Variants in DPYSL5 observed in about 807,000 individuals in gnomAD.
DPYSL5 encodes dihydropyrimidinase-related protein 5.
DPYSL5 carries 9 observed loss-of-function variants against 58.4 expected under a neutral mutation model. The ratio of observed to expected loss-of-function variants is 0.15; its 90% CI spans 0.09 to 0.27. DPYSL5 has a LOEUF of 0.27. DPYSL5 is among the 10% of genes least tolerant of loss of function. The probability of loss-of-function intolerance (pLI) is 1.00; values close to 1 mark genes in which losing one functional copy is unlikely to be tolerated. For synonymous variants in DPYSL5, 293 were observed against 301.9 expected (o/e 0.97, Z 0.31); for missense variants, 499 against 770.6 (o/e 0.65, Z 4.17).
In DPYSL5 at chr2:26,849,703, C is replaced by T. The variant is rs998786444; in HGVS notation, c.-5+1449C>T. On this transcript the variant is annotated intron_variant, in intron 1 of 12. Transcript: ENST00000288699. This position sits in a 1 kb window ranked among gnomAD's most constrained non-coding sequence, Gnocchi z 6.2. ...ACCCTGGTGTCCATCCGACGACAAA[C>T]CAGGGCCACCCAGGACGCGAGGGTG... Among the ~76,000 whole-genome samples the T allele has an allele frequency of 6.6e-6, 1 of 152,248 alleles. No individual in the cohort carries two copies. Among genetic ancestry groups the T allele is most frequent in the African/African-American group, 2.4e-5 (1 of 41,476 alleles).
At chr2:26,936,472 C>T (rs559916121) in intron 8 of DPYSL5, among the ~76,000 whole-genome samples, 64 of 152,192 alleles carry the variant, frequency 4.2e-4, no homozygotes, top group African/African-American at 1.4e-3. Context: ...GGGGCGTGGG[C>T]GAAGGTGGCC....
At chr2:26,889,026 G>A (rs758502551) in intron 1 of DPYSL5, among the ~76,000 whole-genome samples, 3 of 151,956 alleles carry the variant, frequency 2.0e-5, no homozygotes, top group Admixed American at 2.0e-4. Context: ...TTCTTCTAAG[G>A]ACACTATTCC....
chr2:26,928,075 G>A (rs553928208), intron 4 of DPYSL5, among the ~76,000 whole-genome samples, 180 bp from the exon 5 acceptor site: 3 of 152,342 alleles, frequency 2.0e-5, no homozygotes, highest in African/African-American at 7.2e-5. Flanking sequence ...GAGCCCCACT[G>A]CATGGGCGGC....
At position 26,942,466 on chromosome 2, in the gene DPYSL5, G is replaced by A. The variant is rs565288519; in HGVS notation, c.1233-77G>A. 1 of 1,490,284 alleles carries A rather than the reference G, an allele frequency of 6.7e-7. No homozygotes were observed. The highest frequency in any genetic ancestry group is 9.1e-7 in the Non-Finnish European group (1 of 1,095,026). The allele number at this position is 1,490,284 out of a possible 1,614,324, so 92.3% of individuals were successfully genotyped here. On this transcript the variant is annotated intron_variant, in intron 10 of 12. Coordinates refer to ENST00000288699, the MANE Select transcript of DPYSL5 (RefSeq NM_020134.4). This position sits in a 1 kb window ranked among gnomAD's most constrained non-coding sequence, Gnocchi z 5.9. ...TCAACCCATAACAACCAGCCTTTGG[G>A]GCTCACCCCTCCCATGGAGCTGTGA...
chr2:26,892,731 CTT>C (rs1197737414), intron 1 of DPYSL5, among the ~76,000 whole-genome samples: 2 of 139,438 alleles, frequency 1.4e-5, no homozygotes, highest in Non-Finnish European at 3.1e-5. Flanking sequence ...AGGATTATAT[CTT>C]TGCATAGAGC....
At chr2:26,912,432 T>G (rs1354187051) in intron 2 of DPYSL5, among the ~76,000 whole-genome samples, 2 of 152,218 alleles carry the variant, frequency 1.3e-5, no homozygotes, top group Non-Finnish European at 2.9e-5. Flanking sequence ...TGTGTCTTAT[T>G]GCTCTCTGGC....
At chr2:26,892,817 TC>T (rs1156801423) in intron 1 of DPYSL5, among the ~76,000 whole-genome samples, 18 of 145,762 alleles carry the variant, frequency 1.2e-4, no homozygotes, top group Non-Finnish European at 4.5e-5. Flanking sequence ...CTTCTGGGCT[TC>T]CTGTGGCCAG....
intron 1 of DPYSL5, among the ~76,000 whole-genome samples, chr2:26,888,673 A>G (rs1295424841): frequency 6.6e-6 from 1 of 152,134 alleles, no homozygotes. Context: ...GTTTGCATAG[A>G]TAAAATAACT....
chr2:26,927,229 A>G lies in DPYSL5; in HGVS notation c.421-24A>G, dbSNP rs200634639. On this transcript the variant is annotated intron_variant, in intron 3 of 12. Coordinates refer to ENST00000288699, the MANE Select transcript of DPYSL5 (RefSeq NM_020134.4). The surrounding 1 kb of genome is among the most constrained non-coding windows in gnomAD (Gnocchi z 4.3). ...TCTTGGGTGTCTGCCCTCACGCAGCATTGCCCTTCTACTTGTTCTCCAGGT... is the reference window on the plus strand; with the variant it reads ...TCTTGGGTGTCTGCCCTCACGCAGCGTTGCCCTTCTACTTGTTCTCCAGGT... The G allele has an allele frequency of 1.2e-4, 198 of 1,605,722 alleles. No individual in the cohort carries two copies. The African/African-American group carries it at 2.5e-3, about 20-fold the overall frequency.
intron 2 of DPYSL5, among the ~76,000 whole-genome samples, chr2:26,923,217 GC>G (rs1370628879): frequency 6.6e-6 from 1 of 152,184 alleles, no homozygotes; most frequent in African/African-American, 2.4e-5. Flanking sequence ...TGCAGTCCCA[GC>G]ACTTTGCGAG....
At position 26,934,710 on chromosome 2, in the gene DPYSL5, C is replaced by T; in HGVS notation, c.923C>T (p.Thr308Ile). ...PPLRLDTNTSTYLMSLLANDT... is the reference protein window; with the variant it reads ...PPLRLDTNTSIYLMSLLANDT... ...CTGAGACTGGACACCAACACCTCAA[C>T]CTACCTCATGAGCCTGCTGGCCAAG... Residue 308 changes from threonine to isoleucine, a missense_variant, in exon 8 of 13, where the codon ACC becomes ATC. Coordinates refer to ENST00000288699, the MANE Select transcript of DPYSL5 (RefSeq NM_020134.4). This position sits in a 1 kb window ranked among gnomAD's most constrained non-coding sequence, Gnocchi z 4.3. 1.2e-6 allele frequency: 2 copies of T among 1,614,202 alleles called. No individual in the cohort carries two copies. The highest frequency in any genetic ancestry group is 1.7e-6 in the Non-Finnish European group (2 of 1,180,036).
intron 1 of DPYSL5, among the ~76,000 whole-genome samples, chr2:26,871,853 A>T (rs1663269314): frequency 1.3e-5 from 2 of 152,242 alleles, no homozygotes; most frequent in Admixed American, 1.3e-4. Flanking sequence ...CATTATATCA[A>T]CATCGTAAAT....
rs572974788 is a variant in DPYSL5, at chr2:26,861,756, C to G, written c.-5+13502C>G. Among the ~76,000 whole-genome samples the G allele has an allele frequency of 3.9e-5, 6 of 152,310 alleles. No homozygotes were observed. The South Asian group carries it at 6.2e-4, about 16-fold the overall frequency. On this transcript the variant is annotated intron_variant, in intron 1 of 12. Coordinates refer to ENST00000288699, the MANE Select transcript of DPYSL5 (RefSeq NM_020134.4). ...TCATGCCATCCCCCGGCCATGATCTCTAACTCCTGGTGTTCACACTCTTAT... is the reference window on the plus strand; with the variant it reads ...TCATGCCATCCCCCGGCCATGATCTGTAACTCCTGGTGTTCACACTCTTAT...
In DPYSL5 at chr2:26,933,314, C is replaced by T. The variant is rs1665084575; in HGVS notation, c.771C>T (p.Ile257=). The T allele has an allele frequency of 3.1e-6, 5 of 1,614,088 alleles. No individual in the cohort carries two copies. Among genetic ancestry groups the T allele is most frequent in the African/African-American group, 2.7e-5 (2 of 75,038 alleles). The change falls in exon 7 of 13, where the codon ATC becomes ATT. Residue 257 remains isoleucine, a synonymous_variant. Coordinates refer to ENST00000288699, the MANE Select transcript of DPYSL5 (RefSeq NM_020134.4). This position sits in a 1 kb window ranked among gnomAD's most constrained non-coding sequence, Gnocchi z 4.2. ...NVSSISAGDV[I]AAAKMQGKVV... Reference sequence around the variant, plus strand: ...CCAGTATCTCGGCTGGTGACGTTATCGCAGCTGCTAAGATGCAAGGTGAGT... The same window carrying T: ...CCAGTATCTCGGCTGGTGACGTTATTGCAGCTGCTAAGATGCAAGGTGAGT...
chr2:26,942,852 G>C lies in DPYSL5; in HGVS notation c.1440+102G>C. The C allele has an allele frequency of 7.4e-7, 1 of 1,347,440 alleles. No individual in the cohort carries two copies. Among genetic ancestry groups the C allele is most frequent in the East Asian group, 2.4e-5 (1 of 41,402 alleles). 83.5% of individuals were successfully genotyped at this position (1,347,440 alleles called of 1,614,324 possible). On this transcript the variant is annotated intron_variant, in intron 11 of 12. Transcript: ENST00000288699. This position sits in a 1 kb window ranked among gnomAD's most constrained non-coding sequence, Gnocchi z 5.9. ...CAAAGAGATGTTCACTCCAGTTTTC[G>C]ACCCAATTCCATTGCACTTTCTCCA... is the stretch of plus-strand genomic sequence containing the variant.
chr2:26,924,959 G>A lies in DPYSL5; in HGVS notation c.334G>A (p.Ala112Thr), dbSNP rs367960691. The change falls in exon 3 of 13, where the codon GCT becomes ACT. Residue 112 changes from alanine (A) to threonine (T), a missense_variant. Ala to Thr is a moderately conservative substitution (Grantham distance 58). Transcript: ENST00000288699. This position sits in a 1 kb window ranked among gnomAD's most constrained non-coding sequence, Gnocchi z 4.7. Reference protein sequence around the residue: ...LPDKETSLVDAYEKCRGLADP... With the variant: ...LPDKETSLVDTYEKCRGLADP... ...CGACAAGGAGACCTCCCTTGTGGACGCTTATGAGAAGTGCCGAGGTCTGGC... is the reference window on the plus strand; with the variant it reads ...CGACAAGGAGACCTCCCTTGTGGACACTTATGAGAAGTGCCGAGGTCTGGC... The A allele has an allele frequency of 7.8e-5, 126 of 1,614,162 alleles. No individual in the cohort carries two copies. The East Asian group carries it at 2.5e-3, about 32-fold the overall frequency.
At chr2:26,932,123 G>GAA (rs1665021114) in intron 6 of DPYSL5, among the ~76,000 whole-genome samples, 7 of 106,064 alleles carry the variant, frequency 6.6e-5, no homozygotes, top group African/African-American at 3.3e-4. Flanking sequence ...AAAAAAGAAA[G>GAA]AGAAAGAAAG....
In DPYSL5 at chr2:26,944,711, T is replaced by C. The variant is rs1393869300; in HGVS notation, c.1496T>C (p.Val499Ala). ...RTPYLGDVAV[V>A]VHPGKKEMGT... Reference sequence around the variant, plus strand: ...CCCTACCTGGGGGATGTCGCTGTTGTCGTGCACCCTGGGAAAAAAGAGATG... The same window carrying C: ...CCCTACCTGGGGGATGTCGCTGTTGCCGTGCACCCTGGGAAAAAAGAGATG... The change falls in exon 12 of 13, where the codon GTC becomes GCC. Residue 499 changes from valine to alanine, a missense_variant. By Grantham distance (64) the Val-to-Ala change is moderately conservative. This residue lies in a region of DPYSL5 where 62 missense variants were observed against 59.2 expected (regional missense o/e 1.05). Coordinates refer to ENST00000288699, the MANE Select transcript of DPYSL5 (RefSeq NM_020134.4). The surrounding 1 kb of genome is among the most constrained non-coding windows in gnomAD (Gnocchi z 4.4). 6 of 1,613,990 alleles carry C rather than the reference T, an allele frequency of 3.7e-6. No homozygotes were observed. The highest frequency in any genetic ancestry group is 5.1e-6 in the Non-Finnish European group (6 of 1,180,020).
intron 1 of DPYSL5, among the ~76,000 whole-genome samples, chr2:26,895,399 A>G (rs1054354166): frequency 1.3e-5 from 2 of 152,118 alleles, no homozygotes; most frequent in African/African-American, 4.8e-5. Context: ...GATTTCTTTC[A>G]TTGGCATTTT....
Sources: gnomAD v4.1 joint callset for allele counts (sites outside exome capture counted in the v4.1 genomes callset) on GRCh38, gnomAD v4.1.1 for gene constraint, gnomAD v4.1.1 regional missense constraint, Gnocchi (gnomAD v3.1) non-coding constraint, MANE v1.5 for transcripts, NCBI Gene and HGNC (gene_info 2026-07-23, HGNC 2026-07-21) for gene names.